Variants in CDK8 observed in about 807,000 individuals in gnomAD.
CDK8 encodes the protein cyclin-dependent kinase 8.
CDK8 carries 29 observed loss-of-function variants against 71.5 expected under a neutral mutation model. The ratio of observed to expected loss-of-function variants is 0.41; its 90% CI spans 0.30 to 0.55. The LOEUF (loss-of-function observed/expected upper bound fraction) is 0.55. CDK8 is among the 20% of genes least tolerant of loss of function. The pLI, the probability that CDK8 is intolerant of heterozygous loss-of-function variation, is 0.37. For synonymous variants in CDK8, 161 were observed against 192.1 expected (o/e 0.84, Z 1.34); for missense variants, 288 against 572.6 (o/e 0.50, Z 5.07).
At chr13:26,296,079 G>A (rs944420727) in intron 1 of CDK8, among the ~76,000 whole-genome samples, 24 of 152,300 alleles carry the variant, frequency 1.6e-4, no homozygotes, top group African/African-American at 5.3e-4. Flanking sequence ...GGAGCCAAGA[G>A]TGCCAAAATT....
At chr13:26,347,712 A>T (rs1000753870) in intron 2 of CDK8, among the ~76,000 whole-genome samples, 5 of 152,224 alleles carry the variant, frequency 3.3e-5, no homozygotes, top group Non-Finnish European at 7.3e-5. Context: ...GACTAGGCAA[A>T]TGCAAACCAA....
intron 4 of CDK8, among the ~76,000 whole-genome samples, chr13:26,379,190 C>G (rs1437254298): frequency 2.0e-5 from 3 of 152,206 alleles, no homozygotes; most frequent in Non-Finnish European, 4.4e-5. Flanking sequence ...TACAACAGCA[C>G]TTAAGACCAT....
At chr13:26,351,604 T>C (rs1042732586) in intron 3 of CDK8, among the ~76,000 whole-genome samples, 1 of 152,208 alleles carries the variant, frequency 6.6e-6, no homozygotes, top group Admixed American at 6.5e-5. Context: ...GTTTGTAATA[T>C]TTAATTTTAC....
At chr13:26,327,122 T>C (rs2137956787) in intron 1 of CDK8, among the ~76,000 whole-genome samples, 1 of 152,332 alleles carries the variant, frequency 6.6e-6, no homozygotes, top group Non-Finnish European at 1.5e-5. Flanking sequence ...TTTTTGTATA[T>C]GAGCATGAGT....
chr13:26,334,881 C>G (rs1872910640), intron 1 of CDK8, among the ~76,000 whole-genome samples: 1 of 152,148 alleles, frequency 6.6e-6, no homozygotes, highest in Non-Finnish European at 1.5e-5. Flanking sequence ...AATCGGAACT[C>G]CCCCAGCTTT....
chr13:26,366,062 G>A (rs952669403), intron 4 of CDK8, among the ~76,000 whole-genome samples: 4 of 152,136 alleles, frequency 2.6e-5, no homozygotes, highest in East Asian at 3.9e-4. Flanking sequence ...CTGAAGATTT[G>A]CAAAAGTACC....
chr13:26,274,052 C>T (rs1475396348), intron 1 of CDK8, among the ~76,000 whole-genome samples: 1 of 152,078 alleles, frequency 6.6e-6, no homozygotes, highest in Non-Finnish European at 1.5e-5. Context: ...AGCATAGTTT[C>T]ACTTTTTCAT....
At chr13:26,384,622 C>G (rs1032063354) in intron 5 of CDK8, among the ~76,000 whole-genome samples, 2 of 152,156 alleles carry the variant, frequency 1.3e-5, no homozygotes, top group Non-Finnish European at 2.9e-5. Flanking sequence ...AATCACCTAA[C>G]TTCTTGAACC....
intron 2 of CDK8, among the ~76,000 whole-genome samples, chr13:26,346,681 G>A (rs191673981): frequency 1.0e-3 from 157 of 152,258 alleles, no homozygotes; most frequent in African/African-American, 3.0e-3. Flanking sequence ...AGATATTAGC[G>A]TTTAGGTTTC....
intron 1 of CDK8, among the ~76,000 whole-genome samples, chr13:26,266,435 T>C (rs930825104): frequency 6.6e-6 from 1 of 152,070 alleles, no homozygotes; most frequent in African/African-American, 2.4e-5. Flanking sequence ...AACCCAAGGT[T>C]GCCATATTGT....
rs185647734 is a variant in CDK8, at chr13:26,296,145, G to A, written c.128+41376G>A. On this transcript the variant is annotated intron_variant, in intron 1 of 12. Transcript: ENST00000381527. ...AAGAGCTCACAAAAACAAATGTAGC[G>A]TTATTGTCAACATCGCCTAATTTTA... is the stretch of plus-strand genomic sequence containing the variant. Among the ~76,000 whole-genome samples the A allele has an allele frequency of 2.2e-3, 338 of 152,236 alleles. 3 individuals carry two copies. Among genetic ancestry groups the A allele is most frequent in the Non-Finnish European group, 6.8e-4 (46 of 68,024 alleles).
chr13:26,344,256 G>A (rs930220131), intron 2 of CDK8, among the ~76,000 whole-genome samples: 4 of 152,060 alleles, frequency 2.6e-5, no homozygotes, highest in Non-Finnish European at 5.9e-5. Flanking sequence ...ATATCATTCC[G>A]TGGTGTATAT....
chr13:26,312,176 G>C (rs147015383), intron 1 of CDK8, among the ~76,000 whole-genome samples: 1 of 152,046 alleles, frequency 6.6e-6, no homozygotes, highest in African/African-American at 2.4e-5. Context: ...AACAATCAGC[G>C]CTCTGTGTCT....
At chr13:26,366,802 C>T (rs1388360700) in intron 4 of CDK8, among the ~76,000 whole-genome samples, 2 of 152,116 alleles carry the variant, frequency 1.3e-5, no homozygotes, top group Non-Finnish European at 2.9e-5. Flanking sequence ...AGATAGATTG[C>T]TAATTTTTAA....
chr13:26,300,077 A>G (rs1873757498), intron 1 of CDK8, among the ~76,000 whole-genome samples: 1 of 152,162 alleles, frequency 6.6e-6, no homozygotes, highest in East Asian at 1.9e-4. Context: ...AGGAATCTTC[A>G]TGATTTTCTT....
chr13:26,376,772 T>C (rs1300765155), intron 4 of CDK8, among the ~76,000 whole-genome samples: 1 of 152,144 alleles, frequency 6.6e-6, no homozygotes, highest in Non-Finnish European at 1.5e-5. Context: ...ATTTAAAAAC[T>C]CAAAACCCCA....
At chr13:26,383,572 T>C (rs1875333003) in intron 5 of CDK8, among the ~76,000 whole-genome samples, 1 of 152,234 alleles carries the variant, frequency 6.6e-6, no homozygotes, top group Non-Finnish European at 1.5e-5. Flanking sequence ...TGTGTATTTG[T>C]AGAAGAAATG....
chr13:26,271,771 C>A (rs1872330387), intron 1 of CDK8, among the ~76,000 whole-genome samples: 1 of 137,352 alleles, frequency 7.3e-6, no homozygotes, highest in African/African-American at 2.8e-5. Flanking sequence ...AATTGTACCA[C>A]TGTAGAGGGC....
intron 3 of CDK8, 92 bp downstream of exon 3, chr13:26,349,274 A>G (rs1285971998): frequency 1.4e-6 from 1 of 734,962 alleles, no homozygotes; most frequent in Non-Finnish European, 2.3e-6. Context: ...TATGAGACTT[A>G]TGTTTTTAAA....
Sources: gnomAD v4.1 joint callset for allele counts (sites outside exome capture counted in the v4.1 genomes callset) on GRCh38, gnomAD v4.1.1 for gene constraint, MANE v1.5 for transcripts, NCBI Gene and HGNC (gene_info 2026-07-23, HGNC 2026-07-21) for gene names.